Variants in CEP57L1 observed in about 807,000 individuals in gnomAD.
The protein encoded by CEP57L1 is centrosomal protein 57 like 1.
In CEP57L1, 37 loss-of-function variants were observed where a neutral mutation model predicts 61.0. That is an observed-to-expected ratio of 0.61 (90% CI 0.47 to 0.80). The LOEUF (loss-of-function observed/expected upper bound fraction) is 0.80, where lower values mean the gene tolerates loss of function less well. Among genes scored for constraint, CEP57L1 ranks in the 30% least tolerant of loss-of-function variants. The pLI is 0.00. For synonymous variants in CEP57L1, 137 were observed against 162.3 expected (o/e 0.84, Z 1.19); for missense variants, 422 against 524.7 (o/e 0.80, Z 1.91).
intron 4 of CEP57L1, among the ~76,000 whole-genome samples, chr6:109,152,808 A>G (rs1772784472): frequency 6.6e-6 from 1 of 151,962 alleles, no homozygotes; most frequent in Admixed American, 6.6e-5. Flanking sequence ...TACAGGTTTT[A>G]TCAATAATGG....
chr6:109,133,089 T>C (rs957996132), intron 1 of CEP57L1, among the ~76,000 whole-genome samples: 1 of 152,236 alleles, frequency 6.6e-6, no homozygotes, highest in African/African-American at 2.4e-5. Context: ...TTAAATATAA[T>C]AATTGCTAAC....
At chr6:109,136,708 TTA>T (rs1186092091) in intron 1 of CEP57L1, among the ~76,000 whole-genome samples, 1 of 106,472 alleles carries the variant, frequency 9.4e-6, no homozygotes, top group Non-Finnish European at 1.9e-5. Flanking sequence ...TATTTTTATT[TTA>T]TTTTATTTTA....
At chr6:109,101,618 T>TTTTC in intron 1 of CEP57L1, among the ~76,000 whole-genome samples, 1 of 131,030 alleles carries the variant, frequency 7.6e-6, no homozygotes, top group Non-Finnish European at 1.8e-5. Flanking sequence ...TTCTTTTTCT[T>TTTTC]TTTTCTTTTT....
chr6:109,146,365 T>G (rs1771958203), intron 2 of CEP57L1, among the ~76,000 whole-genome samples: 1 of 151,914 alleles, frequency 6.6e-6, no homozygotes, highest in African/African-American at 2.4e-5. Flanking sequence ...AGCCTATAAC[T>G]TTAAACCTAA....
At chr6:109,110,319 G>C (rs1187457411) in intron 1 of CEP57L1, among the ~76,000 whole-genome samples, 1 of 152,078 alleles carries the variant, frequency 6.6e-6, no homozygotes, top group Admixed American at 6.5e-5. Flanking sequence ...TCATATGTTT[G>C]TTGGCTGCAT....
chr6:109,167,999 G>A lies in CEP57L1; in HGVS notation c.*5029G>A, dbSNP rs892235177. On this transcript the variant is annotated 3_prime_UTR_variant, in exon 11 of 11. Transcript: ENST00000517392. ...ATATTTAAAAGGAAGAAAACAGTAAGTGACATGAAAGGCATAATGACAACC... is the reference window on the plus strand; with the variant it reads ...ATATTTAAAAGGAAGAAAACAGTAAATGACATGAAAGGCATAATGACAACC... Among the ~76,000 whole-genome samples the A allele has an allele frequency of 6.6e-6, 1 of 152,214 alleles. No individual in the cohort carries two copies. Among genetic ancestry groups the A allele is most frequent in the Non-Finnish European group, 1.5e-5 (1 of 68,040 alleles).
chr6:109,117,790 G>A (rs900761631), intron 1 of CEP57L1, among the ~76,000 whole-genome samples: 4 of 152,162 alleles, frequency 2.6e-5, no homozygotes, highest in African/African-American at 7.2e-5. Flanking sequence ...CACAGGCAAC[G>A]TCTATATGGA....
At chr6:109,106,755 C>T (rs530370256) in intron 1 of CEP57L1, among the ~76,000 whole-genome samples, 1 of 151,908 alleles carries the variant, frequency 6.6e-6, no homozygotes, top group African/African-American at 2.4e-5. Context: ...CATGGTGAAA[C>T]CCCCCTGTCT....
In CEP57L1 at chr6:109,166,254, G is replaced by A. The variant is rs1774093482; in HGVS notation, c.*3284G>A. ...AACTGGCTGGGATAATGTAGATAAT[G>A]TACTTGAAAATTATTTTTGAGCTTT... is the stretch of plus-strand genomic sequence containing the variant. On this transcript the variant is annotated 3_prime_UTR_variant, in exon 11 of 11. Transcript: ENST00000517392. Among the ~76,000 whole-genome samples, 1 of 152,082 alleles carries A rather than the reference G, an allele frequency of 6.6e-6. No homozygotes were observed.
At chr6:109,162,675 A>G in intron 10 of CEP57L1, 74 bp from the exon 11 acceptor site, 1 of 975,500 alleles carries the variant, frequency 1.0e-6, no homozygotes, top group East Asian at 2.6e-5. Flanking sequence ...TAAACCATCA[A>G]TTCAACCTAT....
At position 109,169,507 on chromosome 6, in the gene CEP57L1, G is replaced by A. The variant is rs930165296; in HGVS notation, c.*6537G>A. On this transcript the variant is annotated 3_prime_UTR_variant, in exon 11 of 11. Transcript: ENST00000517392. Reference sequence around the variant, plus strand: ...GAAATATTGTTTCATGTGTTTTACAGATAACAAGTCTCATTTTAATCAATA... The same window carrying A: ...GAAATATTGTTTCATGTGTTTTACAAATAACAAGTCTCATTTTAATCAATA... Among the ~76,000 whole-genome samples the A allele has an allele frequency of 1.3e-5, 2 of 152,156 alleles. No homozygotes were observed. The highest frequency in any genetic ancestry group is 3.8e-4 in the East Asian group (2 of 5,198).
At chr6:109,141,285 G>A (rs1583566005) in intron 1 of CEP57L1, among the ~76,000 whole-genome samples, 3 of 151,756 alleles carry the variant, frequency 2.0e-5, no homozygotes, top group Non-Finnish European at 2.9e-5. Context: ...GCGCAATCTC[G>A]GCTCACTGCA....
chr6:109,133,532 T>C (rs986122062), intron 1 of CEP57L1, among the ~76,000 whole-genome samples: 1 of 152,022 alleles, frequency 6.6e-6, no homozygotes, highest in African/African-American at 2.4e-5. Context: ...TGTGTTAAGA[T>C]ACCATTTTTC....
rs1437753623 is a variant in CEP57L1 at position 109,155,379 on chromosome 6, G to A, written c.657+72G>A. 34 of 787,130 alleles carry A rather than the reference G, an allele frequency of 4.3e-5. No homozygotes were observed. The East Asian group carries it at 1.1e-3, about 25-fold the overall frequency. 48.8% of individuals were successfully genotyped at this position (787,130 alleles called of 1,614,324 possible). A position where few individuals can be genotyped will look rare whatever the true frequency, so the allele number is the denominator to read the frequency against. On this transcript the variant is annotated intron_variant, in intron 6 of 10. Coordinates refer to ENST00000517392, the MANE Select transcript of CEP57L1 (RefSeq NM_001271852.3). ...TATTATATTTTTATTTTCATTAACT[G>A]AAGCCTATGTTCTAGATTCTAATTT...
intron 1 of CEP57L1, among the ~76,000 whole-genome samples, chr6:109,107,330 T>C (rs945042987): frequency 6.6e-6 from 1 of 152,188 alleles, no homozygotes; most frequent in African/African-American, 2.4e-5. Context: ...TTTAAAGTTA[T>C]GTATCATCTA....
At chr6:109,156,052 C>T (rs1773186424) in intron 7 of CEP57L1, 175 bp downstream of exon 7, 2 of 429,196 alleles carry the variant, frequency 4.7e-6, no homozygotes, top group Non-Finnish European at 8.4e-6. Flanking sequence ...CAGAAAATTT[C>T]ATAAGATTCA....
chr6:109,129,351 G>T, intron 1 of CEP57L1: 1 of 1,205,760 alleles, frequency 8.3e-7, no homozygotes, highest in Non-Finnish European at 1.1e-6. Flanking sequence ...ATAGACTGCC[G>T]ACATTCTGGG....
intron 1 of CEP57L1, 108 bp downstream of exon 1, chr6:109,095,683 CAAGGACTTTTTCCAGTGACTT>C: frequency 1.5e-6 from 1 of 683,222 alleles, no homozygotes; most frequent in Non-Finnish European, 1.8e-6. Context: ...TCCCTTAGTC[CAAGGACTTTTTCCAGTGACTT>C]GCGTGGGAAG....
At chr6:109,159,133 C>CA (rs1375630480) in intron 8 of CEP57L1, 31 bp downstream of exon 8, 1 of 1,613,580 alleles carries the variant, frequency 6.2e-7, no homozygotes, top group African/African-American at 1.3e-5. Flanking sequence ...GATAGTCGTT[C>CA]AAAAAAACTC....
Sources: allele counts gnomAD v4.1 joint callset (sites outside exome capture counted in the v4.1 genomes callset), GRCh38; gene constraint gnomAD v4.1.1; transcripts MANE v1.5; gene names NCBI Gene and HGNC (gene_info 2026-07-23, HGNC 2026-07-21).